Variants in PPP1R1C observed in about 807,000 individuals in gnomAD.
The protein encoded by PPP1R1C is protein phosphatase 1 regulatory subunit 1C.
A neutral mutation model predicts 17.4 loss-of-function variants in PPP1R1C; 15 were observed. The ratio of observed to expected loss-of-function variants is 0.86; its 90% CI spans 0.58 to 1.33. PPP1R1C has a LOEUF of 1.33. PPP1R1C is among the 40% of genes most tolerant of loss of function. The probability of loss-of-function intolerance (pLI) is 0.00; values close to 1 mark genes in which losing one functional copy is unlikely to be tolerated. For missense variants in PPP1R1C, 143 were observed against 130.0 expected, an observed-to-expected ratio of 1.10 and a Z score of -0.48; for synonymous variants, 35 against 43.1, an observed-to-expected ratio of 0.81 and a Z score of 0.73.
chr2:181,955,782 G>C (rs905054813), intron 1 of PPP1R1C, among the ~76,000 whole-genome samples: 5 of 152,106 alleles, frequency 3.3e-5, no homozygotes, highest in African/African-American at 1.2e-4. Context: ...TAAATAAAAT[G>C]ATCTTCAATT....
chr2:181,987,891 A>C lies in PPP1R1C; in HGVS notation c.134A>C (p.Asn45Thr), dbSNP rs181207388. The change falls in exon 2 of 5, where the codon AAC becomes ACC. Residue 45 changes from asparagine to threonine, a missense_variant. Physicochemically the swap from Asn to Thr is moderately conservative, Grantham distance 65 (BLOSUM62 0). Coordinates refer to ENST00000682840, the MANE Select transcript of PPP1R1C (RefSeq NM_001080545.3). ...TCACTTGTGATTCTCAATGAGCATAACCCCCCAGGTAAAGAAGCATGATGT... is the reference window on the plus strand; with the variant it reads ...TCACTTGTGATTCTCAATGAGCATACCCCCCCAGGTAAAGAAGCATGATGT... ...PASLVILNEH[N>T]PPEIDDKRGP... The C allele has an allele frequency of 6.2e-7, 1 of 1,612,598 alleles. No individual in the cohort carries two copies. The highest frequency in any genetic ancestry group is 8.5e-7 in the Non-Finnish European group (1 of 1,178,978).
rs757118181 is a variant in PPP1R1C at position 182,106,208 on chromosome 2, C to T, written c.242-10999C>T. Among the ~76,000 whole-genome samples, 8 of 152,322 alleles carry T rather than the reference C, an allele frequency of 5.3e-5. No homozygotes were observed. The South Asian group carries it at 8.3e-4, about 16-fold the overall frequency. On this transcript the variant is annotated intron_variant, in intron 4 of 4. Transcript: ENST00000682840. ...GTGTCCCTAGCAAGGGCTCCACCCT[C>T]GGGCCTGTGCCCAGGGGACCTAAGT...
intron 2 of PPP1R1C, among the ~76,000 whole-genome samples, chr2:182,040,315 A>C (rs1687143321): frequency 2.0e-5 from 3 of 151,998 alleles, no homozygotes; most frequent in South Asian, 2.1e-4. Flanking sequence ...ACCAACATTT[A>C]TTGTTTTTTG....
In PPP1R1C at chr2:181,985,938, A is replaced by C; in HGVS notation, c.-173A>C. ...CAGGCATCACCGTGGATGTTGAAGA[A>C]GGGGGTTACTCAAACCTCGGCATCT... is the stretch of plus-strand genomic sequence containing the variant. On this transcript the variant is annotated 5_prime_UTR_variant, in exon 1 of 5. Transcript: ENST00000682840. The surrounding 1 kb of genome is among the most constrained non-coding windows in gnomAD (Gnocchi z 4.1). 1 of 620,572 alleles carries C rather than the reference A, an allele frequency of 1.6e-6. No homozygotes were observed. The highest frequency in any genetic ancestry group is 2.9e-6 in the Non-Finnish European group (1 of 347,576). The allele number at this position is 620,572 out of a possible 1,614,324, so 38.4% of individuals were successfully genotyped here.
At chr2:182,083,895 G>C (rs960526895) in intron 4 of PPP1R1C, among the ~76,000 whole-genome samples, 1 of 152,034 alleles carries the variant, frequency 6.6e-6, no homozygotes, top group Non-Finnish European at 1.5e-5. Flanking sequence ...GTGTATAAGC[G>C]TTCTCTTTCA....
chr2:181,985,477 C>T (rs1241622665), upstream of PPP1R1C, among the ~76,000 whole-genome samples: 1 of 152,206 alleles, frequency 6.6e-6, no homozygotes, highest in East Asian at 1.9e-4. The surrounding 1 kb of genome is among the most constrained non-coding windows in gnomAD (Gnocchi z 4.1). Flanking sequence ...CTAACCAGAT[C>T]TTATAGCATA....
chr2:181,990,389 C>A (rs1685443342), intron 2 of PPP1R1C, among the ~76,000 whole-genome samples: 1 of 152,026 alleles, frequency 6.6e-6, no homozygotes, highest in South Asian at 2.1e-4. Flanking sequence ...GCTATCCGCC[C>A]GCCTCGGCCT....
intron 2 of PPP1R1C, among the ~76,000 whole-genome samples, chr2:182,012,717 T>TG (rs1374304655): frequency 6.6e-6 from 1 of 152,114 alleles, no homozygotes; most frequent in African/African-American, 2.4e-5. Context: ...AGGTGATTTT[T>TG]CTCTGGTAGT....
intron 4 of PPP1R1C, among the ~76,000 whole-genome samples, chr2:182,090,388 A>G (rs1688749086): frequency 1.3e-5 from 2 of 152,066 alleles, no homozygotes; most frequent in South Asian, 4.2e-4. Flanking sequence ...GTAGTTCGAT[A>G]TGCTTTCTTA....
intron 2 of PPP1R1C, among the ~76,000 whole-genome samples, chr2:182,057,491 A>T (rs1687721784): frequency 6.6e-6 from 1 of 152,074 alleles, no homozygotes; most frequent in African/African-American, 2.4e-5. Flanking sequence ...AAGCTGGGGG[A>T]TATGTATAAT....
intron 4 of PPP1R1C, among the ~76,000 whole-genome samples, chr2:182,082,325 C>CTCA (rs1172650357): frequency 6.6e-6 from 1 of 152,152 alleles, no homozygotes; most frequent in Non-Finnish European, 1.5e-5. Context: ...TCTTTCAGGA[C>CTCA]TCAAAGTTCT....
At chr2:182,036,248 T>C (rs1687000960) in intron 2 of PPP1R1C, among the ~76,000 whole-genome samples, 1 of 152,234 alleles carries the variant, frequency 6.6e-6, no homozygotes, top group Admixed American at 6.5e-5. Context: ...TGGTTTCAAA[T>C]CCTGGTTTCT....
At position 182,039,017 on chromosome 2, in the gene PPP1R1C, G is replaced by C. The variant is rs1360549154; in HGVS notation, c.143-22425G>C. Among the ~76,000 whole-genome samples, 3 of 152,164 alleles carry C rather than the reference G, an allele frequency of 2.0e-5. No homozygotes were observed. In the East Asian group the frequency reaches 5.8e-4, roughly 29 times the overall value. On this transcript the variant is annotated intron_variant, in intron 2 of 4. Coordinates refer to ENST00000682840, the MANE Select transcript of PPP1R1C (RefSeq NM_001080545.3). ...GAAAGTCTGTTAAGACACACAGAAA[G>C]GATCCTTGCTTTGAGTACGAGTTTG...
chr2:182,061,260 G>A lies in PPP1R1C; in HGVS notation c.143-182G>A, dbSNP rs1047846005. 2.6e-5 allele frequency among the ~76,000 whole-genome samples: 4 copies of A among 152,084 alleles called. No homozygotes were observed. The South Asian group carries it at 8.3e-4, about 32-fold the overall frequency. ...TTCTATACCTTTTTTGAAACTTTGG[G>A]AGAAGGTTATATCAAAAGGAAACCA... On this transcript the variant is annotated intron_variant, in intron 2 of 4. Coordinates refer to ENST00000682840, the MANE Select transcript of PPP1R1C (RefSeq NM_001080545.3).
intron 2 of PPP1R1C, among the ~76,000 whole-genome samples, chr2:181,995,249 C>G (rs1416346790): frequency 6.6e-6 from 1 of 152,174 alleles, no homozygotes; most frequent in Non-Finnish European, 1.5e-5. Flanking sequence ...GTACAGTACA[C>G]AGACTAGATG....
chr2:182,119,267 G>A (rs1189630647), downstream of PPP1R1C, among the ~76,000 whole-genome samples: 1 of 151,882 alleles, frequency 6.6e-6, no homozygotes, highest in East Asian at 1.9e-4. Flanking sequence ...AGTATTCCAT[G>A]GTGTATATGT....
intron 2 of PPP1R1C, among the ~76,000 whole-genome samples, chr2:182,059,554 A>C (rs1360845956): frequency 2.0e-5 from 3 of 152,132 alleles, no homozygotes; most frequent in Non-Finnish European, 4.4e-5. Flanking sequence ...GCTGGCAACT[A>C]TGATCTGTTA....
At chr2:182,085,391 T>C (rs1334246695) in intron 4 of PPP1R1C, among the ~76,000 whole-genome samples, 1 of 152,110 alleles carries the variant, frequency 6.6e-6, no homozygotes, top group East Asian at 1.9e-4. Context: ...TCTAAAAAAG[T>C]AAAATGTTAT....
At chr2:182,073,742 A>T (rs1202095023) in intron 4 of PPP1R1C, among the ~76,000 whole-genome samples, 1 of 152,172 alleles carries the variant, frequency 6.6e-6, no homozygotes. Context: ...GAGAAATATC[A>T]GGGGTAGATT....
Sources: allele counts gnomAD v4.1 joint callset (sites outside exome capture counted in the v4.1 genomes callset), GRCh38; gene constraint gnomAD v4.1.1; non-coding constraint Gnocchi (gnomAD v3.1); transcripts MANE v1.5; gene names NCBI Gene and HGNC (gene_info 2026-07-23, HGNC 2026-07-21).